The following KCP variants were observed in gnomAD, a reference collection of about 807,000 sequenced individuals.
KCP encodes the protein kielin cysteine rich BMP regulator.
In KCP, 194 loss-of-function variants were observed where a neutral mutation model predicts 212.7. That is an observed-to-expected ratio of 0.91 (90% CI 0.81 to 1.03). The LOEUF (loss-of-function observed/expected upper bound fraction) is 1.03, where lower values mean the gene tolerates loss of function less well. Among genes scored for constraint, KCP ranks in the 50% least tolerant of loss-of-function variants. KCP has a pLI of 0.00. For synonymous variants in KCP, 833 were observed against 865.3 expected, an observed-to-expected ratio of 0.96 and a Z score of 0.65; for missense variants, 2,080 against 2,162.5, an observed-to-expected ratio of 0.96 and a Z score of 0.76.
rs1463908252 is a variant in KCP at position 128,893,894 on chromosome 7, C to T, written c.1011G>A (p.Gly337=). The T allele has an allele frequency of 1.3e-6, 2 of 1,551,204 alleles. No individual in the cohort carries two copies. Among genetic ancestry groups the T allele is most frequent in the Middle Eastern group, 1.7e-4 (1 of 5,988 alleles). The change falls in exon 11 of 40, where the codon GGG becomes GGA. Residue 337 remains glycine, a synonymous_variant. Coordinates refer to ENST00000610776, the MANE Select transcript of KCP (RefSeq NM_001366122.1). The stretch of plus-strand genomic sequence containing the variant: ...AGGGCAGAGGCTCACACTGGACACT[C>T]CCATTCTGCCAACAGGGCCTGGTCA... ...DPCSHCRCAN[G]SVQCEPLPCP... is the part of the protein sequence containing the mutation.
At chr7:128,908,374 A>G (rs1795266396) in intron 2 of KCP, 52 bp downstream of exon 2, 2 of 1,509,158 alleles carry the variant, frequency 1.3e-6, no homozygotes, top group Non-Finnish European at 1.8e-6. Flanking sequence ...TCTCCCTCCC[A>G]CTATGAGAAG....
At position 128,904,052 on chromosome 7, in the gene KCP, T is replaced by TCAC; in HGVS notation, c.654+1_654+3dup. ...GCCTGGGCAGAGGGGACAGGTGGAC[T>TCAC]CACCAGGCAGGTGCACTGTAGACAA... On this transcript the variant is annotated splice_donor_region_variant and intron_variant, in intron 6 of 39. Transcript: ENST00000610776. The TCAC allele has an allele frequency of 6.4e-7, 1 of 1,551,026 alleles. No homozygotes were observed. Among genetic ancestry groups the TCAC allele is most frequent in the Non-Finnish European group, 8.7e-7 (1 of 1,146,620 alleles).
At chr7:128,901,112 T>C (rs1794817985) in intron 8 of KCP, among the ~76,000 whole-genome samples, 1 of 152,222 alleles carries the variant, frequency 6.6e-6, no homozygotes, top group Non-Finnish European at 1.5e-5. Context: ...GAGTGACCTC[T>C]GGTTGTCCTC....
chr7:128,908,258 GAAAGAAAGA>G (rs1395515535), intron 2 of KCP, among the ~76,000 whole-genome samples, 159 bp downstream of exon 2: 1 of 107,294 alleles, frequency 9.3e-6, no homozygotes, highest in East Asian at 6.1e-4. Flanking sequence ...AAAGAAGAAA[GAAAGAAAGA>G]AAGAAAGAAA....
Position 128,902,786 on chromosome 7 carries a change from G to GACT in KCP, c.821_822insAGT (p.Cys274delinsTer). On this transcript the variant is annotated stop_gained, in exon 8 of 40. Transcript: ENST00000610776. LOFTEE classifies it high-confidence loss of function. The stretch of plus-strand genomic sequence containing the variant: ...CAGCCTCAGGACTCACCAGGCACCG[G>GACT]CAGATTCGGCAGGGGTCCCCAGGTG... 16 of 1,551,496 alleles carry GACT rather than the reference G, an allele frequency of 1.0e-5. No individual in the cohort carries two copies. The highest frequency in any genetic ancestry group is 1.4e-5 in the Non-Finnish European group (16 of 1,146,962).
chr7:128,891,196 GGGCAGCACTCTCCC>G lies in KCP; in HGVS notation c.1947_1960del (p.Gly650AlafsTer122), dbSNP rs1457644032. The G allele has an allele frequency of 2.6e-6, 4 of 1,543,686 alleles. No homozygotes were observed. The African/African-American group carries it at 5.5e-5, about 21-fold the overall frequency. Reference sequence around the variant, plus strand: ...GGTGCGGCCCCTACCTGGGCACTGCGGGCAGCACTCTCCCGGCAGCAGGACAGGCTCTGGACAGG... The same window carrying G: ...GGTGCGGCCCCTACCTGGGCACTGCGGGCAGCAGGACAGGCTCTGGACAGG... On this transcript the variant is annotated frameshift_variant, in exon 19 of 40. Coordinates refer to ENST00000610776, the MANE Select transcript of KCP (RefSeq NM_001366122.1). LOFTEE classifies it high-confidence loss of function.
chr7:128,908,279 A>AAAGAAAGAAAGG (rs1165495616), intron 2 of KCP, 147 bp downstream of exon 2: 2 of 562,568 alleles, frequency 3.6e-6, no homozygotes, highest in Non-Finnish European at 5.3e-6. Context: ...AGAAAGAAAG[A>AAAGAAAGAAAGG]AAGAAAGAAA....
At position 128,908,230 on chromosome 7, in the gene KCP, A is replaced by G. The variant is rs187718411; in HGVS notation, c.219+196T>C. ...AAAAAAGAAAGGAAGGAGGGAAGGA[A>G]AGAAGAAAGGAAGAAAGAAAGAAGA... On this transcript the variant is annotated intron_variant, in intron 2 of 39. Transcript: ENST00000610776. Among the ~76,000 whole-genome samples the G allele has an allele frequency of 2.2e-3, 291 of 134,184 alleles. 7 individuals carry two copies. Among genetic ancestry groups the G allele is most frequent in the Non-Finnish European group, 3.8e-3 (246 of 64,592 alleles). The allele number at this position is 134,184 out of a possible 152,430, so 88.0% of individuals were successfully genotyped here.
At chr7:128,896,087 G>T (rs1002959958) in intron 8 of KCP, among the ~76,000 whole-genome samples, 2 of 152,126 alleles carry the variant, frequency 1.3e-5, no homozygotes, top group Admixed American at 6.5e-5. Context: ...ATGATAGTGC[G>T]GAAACCCCCG....
intron 22 of KCP, among the ~76,000 whole-genome samples, chr7:128,888,137 C>CAA (rs1271392084): frequency 6.9e-6 from 1 of 144,084 alleles, no homozygotes; most frequent in East Asian, 2.4e-4. Flanking sequence ...CACACACACA[C>CAA]ACAGGGCCAC....
intron 24 of KCP, 54 bp from the exon 25 acceptor site, chr7:128,886,791 G>A: frequency 6.6e-7 from 1 of 1,520,084 alleles, no homozygotes; most frequent in Non-Finnish European, 8.9e-7. Flanking sequence ...GCCCTGCTCG[G>A]CCCAGCCTTA....
At chr7:128,908,068 G>A (rs559160814) in intron 2 of KCP, among the ~76,000 whole-genome samples, 2 of 150,154 alleles carry the variant, frequency 1.3e-5, no homozygotes, top group Non-Finnish European at 2.9e-5. Context: ...GGCAGAGGTT[G>A]CAGGGAGCTG....
intron 22 of KCP, 57 bp from the exon 23 acceptor site, chr7:128,887,357 C>A: frequency 8.0e-7 from 1 of 1,257,082 alleles, no homozygotes; most frequent in Non-Finnish European, 1.1e-6. Context: ...TCCACTGTCA[C>A]ACACACACAC....
Position 128,891,201 on chromosome 7 carries a change from G to A in KCP, c.1956C>T (p.Cys652=). Residue 652 remains cysteine (C), a synonymous_variant, in exon 19 of 40, where the codon TGC becomes TGT. Transcript: ENST00000610776. ...GGCCCCTACCTGGGCACTGCGGGCA[G>A]CACTCTCCCGGCAGCAGGACAGGCT... The part of the protein sequence containing the change: ...CPEPVLLPGE[C]CPQCPAAPAP... 1 of 1,544,058 alleles carries A rather than the reference G, an allele frequency of 6.5e-7. No homozygotes were observed. The highest frequency in any genetic ancestry group is 8.7e-7 in the Non-Finnish European group (1 of 1,146,544).
At chr7:128,905,661 G>C (rs538657950) in intron 5 of KCP, among the ~76,000 whole-genome samples, 10 of 152,134 alleles carry the variant, frequency 6.6e-5, no homozygotes, top group Non-Finnish European at 1.5e-4. Flanking sequence ...CATGCCACAC[G>C]CTGCTTCAGC....
chr7:128,904,020 G>C, intron 6 of KCP, 36 bp downstream of exon 6: 1 of 1,524,100 alleles, frequency 6.6e-7, no homozygotes, highest in Non-Finnish European at 8.9e-7. Context: ...GTCCAGGGAG[G>C]TGCAGGGCCT....
Position 128,891,474 on chromosome 7 carries a change from G to A in KCP, c.1855C>T (p.Pro619Ser). 1.3e-6 allele frequency: 2 copies of A among 1,550,516 alleles called. No homozygotes were observed. Among genetic ancestry groups the A allele is most frequent in the Non-Finnish European group, 1.7e-6 (2 of 1,146,778 alleles). Reference sequence around the variant, plus strand: ...ACCAGACAGCGACACAGACGGCAGGGGTCAGAGGGGTGGGGGAAGTCCGCT... The same window carrying A: ...ACCAGACAGCGACACAGACGGCAGGAGTCAGAGGGGTGGGGGAAGTCCGCT... ...SGADFPHPSD[P>S]CRLCRCLSGN... is the part of the protein sequence containing the mutation. The change falls in exon 18 of 40, where the codon CCC becomes TCC. Residue 619 changes from proline (P) to serine (S), a missense_variant. By Grantham distance (74) the Pro-to-Ser change is moderately conservative (BLOSUM62 -1). Transcript: ENST00000610776.
At chr7:128,906,250 G>A (rs1795112392) in intron 5 of KCP, 29 bp downstream of exon 5, 1 of 1,522,914 alleles carries the variant, frequency 6.6e-7, no homozygotes, top group African/African-American at 1.4e-5. Flanking sequence ...GCAAGCAGGA[G>A]GTGGGGCTGA....
chr7:128,910,127 C>A (rs529796085), intron 1 of KCP, among the ~76,000 whole-genome samples: 1 of 152,200 alleles, frequency 6.6e-6, no homozygotes. Flanking sequence ...GAGAGACCTG[C>A]AGAAAGAGCT....
Sources: gnomAD v4.1 joint callset for allele counts (sites outside exome capture counted in the v4.1 genomes callset) on GRCh38, gnomAD v4.1.1 for gene constraint, MANE v1.5 for transcripts, NCBI Gene and HGNC (gene_info 2026-07-23, HGNC 2026-07-21) for gene names.